Variants in ABCB10 observed in about 807,000 individuals in gnomAD.
The protein encoded by ABCB10 is ATP binding cassette subfamily B member 10.
Under a neutral mutation model 65.4 loss-of-function variants are expected in ABCB10, and 54 were observed. The ratio of observed to expected loss-of-function variants is 0.83; its 90% CI spans 0.66 to 1.04. ABCB10 has a LOEUF of 1.04. ABCB10 is among the 50% of genes least tolerant of loss of function. ABCB10 has a pLI of 0.00. For missense variants in ABCB10, 846 were observed against 976.6 expected (o/e 0.87, Z 1.78); for synonymous variants, 418 against 406.5 (o/e 1.03, Z -0.34).
chr1:229,538,258 C>T (rs1480896428), intron 6 of ABCB10, among the ~76,000 whole-genome samples: 3 of 152,160 alleles, frequency 2.0e-5, no homozygotes, highest in Non-Finnish European at 4.4e-5. Context: ...GAAATAACGT[C>T]TATCATGCCA....
At chr1:229,545,328 G>C (rs1051379603) in intron 3 of ABCB10, among the ~76,000 whole-genome samples, 1 of 152,314 alleles carries the variant, frequency 6.6e-6, no homozygotes, top group Admixed American at 6.5e-5. Flanking sequence ...CCGTAAGTCA[G>C]ATCTAATAGG....
chr1:229,539,759 C>A (rs954154034), intron 5 of ABCB10, among the ~76,000 whole-genome samples, 168 bp from the exon 6 acceptor site: 1 of 152,104 alleles, frequency 6.6e-6, no homozygotes, highest in South Asian at 2.1e-4. Context: ...TGTAATATTG[C>A]AATAATGAAG....
At chr1:229,518,730 GA>G (rs35311199) in intron 12 of ABCB10, 110 bp downstream of exon 12, 42 of 1,011,658 alleles carry the variant, frequency 4.2e-5, no homozygotes, top group Non-Finnish European at 5.6e-5. Context: ...GTAAAGGGGG[GA>G]AAAAGGATTT....
At position 229,530,306 on chromosome 1, in the gene ABCB10, A is replaced by G. The variant is rs1662552570; in HGVS notation, c.1538T>C (p.Phe513Ser). ...ARPEVPIFQD[F>S]SLSIPSGSVT... Reference sequence around the variant, plus strand: ...AGATCCTGACGGAATGGAAAGGCTGAAATCCTGAAATATGGGCACCTCTGG... The same window carrying G: ...AGATCCTGACGGAATGGAAAGGCTGGAATCCTGAAATATGGGCACCTCTGG... Residue 513 changes from phenylalanine (F) to serine (S), a missense_variant, in exon 8 of 13, where the codon TTC becomes TCC. Coordinates refer to ENST00000344517, the MANE Select transcript of ABCB10 (RefSeq NM_012089.3). 1 of 1,614,198 alleles carries G rather than the reference A, an allele frequency of 6.2e-7. No individual in the cohort carries two copies. Among genetic ancestry groups the G allele is most frequent in the Non-Finnish European group, 8.5e-7 (1 of 1,180,030 alleles).
rs1662382826 is a variant in ABCB10, at chr1:229,524,351, G to A, written c.1906+1585C>T. On this transcript the variant is annotated intron_variant, in intron 10 of 12. Coordinates refer to ENST00000344517, the MANE Select transcript of ABCB10 (RefSeq NM_012089.3). ...TATTGTTTTGTATTTTTGGTAGAGAGGGGGTCTCACCATGTTGCCCAGGCT... is the reference window on the plus strand; with the variant it reads ...TATTGTTTTGTATTTTTGGTAGAGAAGGGGTCTCACCATGTTGCCCAGGCT... Among the ~76,000 whole-genome samples, 3 of 151,886 alleles carry A rather than the reference G, an allele frequency of 2.0e-5. No individual in the cohort carries two copies. In the South Asian group the frequency reaches 6.2e-4, roughly 32 times the overall value.
In ABCB10 at chr1:229,549,367, G is replaced by C. The variant is rs1663050309; in HGVS notation, c.585C>G (p.Ile195Met). ...SMSAPFFLGKIIDVIYTNPTV... is the reference protein window; with the variant it reads ...SMSAPFFLGKMIDVIYTNPTV... Reference sequence around the variant, plus strand: ...TGGGGTTGGTATAGATGACATCAATGATCTTCCCCAGGAAGAAAGGGGCAG... The same window carrying C: ...TGGGGTTGGTATAGATGACATCAATCATCTTCCCCAGGAAGAAAGGGGCAG... The change falls in exon 2 of 13, where the codon ATC (isoleucine) becomes ATG (methionine). Residue 195 changes from isoleucine to methionine, a missense_variant. Ile to Met is a conservative substitution (Grantham distance 10, BLOSUM62 1). Around this residue, in one of 2 missense-constraint regions of ABCB10, gnomAD observed 632 missense variants for 803.2 expected, o/e 0.79. Coordinates refer to ENST00000344517, the MANE Select transcript of ABCB10 (RefSeq NM_012089.3). 5 of 1,614,100 alleles carry C rather than the reference G, an allele frequency of 3.1e-6. No individual in the cohort carries two copies. The highest frequency in any genetic ancestry group is 4.2e-6 in the Non-Finnish European group (5 of 1,180,028).
At chr1:229,539,857 AAAGT>A (rs1662803584) in intron 5 of ABCB10, among the ~76,000 whole-genome samples, 1 of 152,210 alleles carries the variant, frequency 6.6e-6, no homozygotes, top group Non-Finnish European at 1.5e-5. Context: ...GCAAAAGATA[AAAGT>A]AATATTAAAG....
Position 229,530,308 on chromosome 1 carries a change from ATCCT to A in ABCB10, c.1532_1535del (p.Gln511LeufsTer30), listed in dbSNP as rs751575879. 1.2e-6 allele frequency: 2 copies of A among 1,614,110 alleles called. No individual in the cohort carries two copies. Among genetic ancestry groups the A allele is most frequent in the African/African-American group, 2.7e-5 (2 of 74,942 alleles). ...ATCCTGACGGAATGGAAAGGCTGAA[ATCCT>A]GAAATATGGGCACCTCTGGGCGAGC... On this transcript the variant is annotated frameshift_variant, in exon 8 of 13. Transcript: ENST00000344517. LOFTEE classifies it high-confidence loss of function.
intron 3 of ABCB10, among the ~76,000 whole-genome samples, chr1:229,546,033 G>T (rs550714360): frequency 1.3e-5 from 2 of 152,218 alleles, no homozygotes; most frequent in East Asian, 3.9e-4. Context: ...TTAGCGAGGC[G>T]TGGTGGCTGG....
At position 229,558,667 on chromosome 1, in the gene ABCB10, C is replaced by T; in HGVS notation, c.-15G>A. On this transcript the variant is annotated 5_prime_UTR_variant, in exon 1 of 13. Coordinates refer to ENST00000344517, the MANE Select transcript of ABCB10 (RefSeq NM_012089.3). ...GGGCCTCGCATGGCGCTGCGTGCGA[C>T]CCGTACGCCTCAGCCCGCCGGCCAG... The T allele has an allele frequency of 7.7e-7, 1 of 1,304,960 alleles. No individual in the cohort carries two copies. Among genetic ancestry groups the T allele is most frequent in the Non-Finnish European group, 9.7e-7 (1 of 1,029,714 alleles). The allele number at this position is 1,304,960 out of a possible 1,614,324, so 80.8% of individuals were successfully genotyped here.
At chr1:229,531,919 C>A in intron 6 of ABCB10, 188 bp from the exon 7 acceptor site, 1 of 379,948 alleles carries the variant, frequency 2.6e-6, no homozygotes, top group African/African-American at 2.2e-5. Flanking sequence ...TCTAGTTTTC[C>A]TTTGGCTTCT....
intron 6 of ABCB10, chr1:229,535,114 G>A (rs563056195): frequency 7.0e-6 from 1 of 143,612 alleles, no homozygotes; most frequent in South Asian, 2.2e-4. Flanking sequence ...GAAGGGTATC[G>A]AGAAAAGTTT....
At chr1:229,550,817 T>G (rs1663090515) in intron 1 of ABCB10, among the ~76,000 whole-genome samples, 1 of 151,776 alleles carries the variant, frequency 6.6e-6, no homozygotes, top group African/African-American at 2.4e-5. Context: ...TGAGCCAAGA[T>G]TGTGCTGCTA....
chr1:229,548,292 C>G (rs1444396555), intron 2 of ABCB10, among the ~76,000 whole-genome samples: 1 of 152,142 alleles, frequency 6.6e-6, no homozygotes, highest in African/African-American at 2.4e-5. Context: ...GCATGAGCCA[C>G]CACACTTGGC....
At chr1:229,539,619 A>C in intron 5 of ABCB10, 28 bp from the exon 6 acceptor site, 1 of 1,604,132 alleles carries the variant, frequency 6.2e-7, no homozygotes, top group Non-Finnish European at 8.5e-7. Flanking sequence ...CACAGAAGTC[A>C]GGTGGGAATC....
chr1:229,538,885 A>C (rs1662778866), intron 6 of ABCB10, among the ~76,000 whole-genome samples: 2 of 152,226 alleles, frequency 1.3e-5, no homozygotes, highest in Non-Finnish European at 2.9e-5. Flanking sequence ...TCCCAAGTTG[A>C]CTGGGGATGC....
chr1:229,556,123 C>A (rs1663243020), intron 1 of ABCB10, among the ~76,000 whole-genome samples: 1 of 152,134 alleles, frequency 6.6e-6, no homozygotes, highest in South Asian at 2.1e-4. Flanking sequence ...ACCTGTAATC[C>A]CAGCACCTTT....
chr1:229,542,659 C>T (rs943742308), intron 3 of ABCB10, among the ~76,000 whole-genome samples: 3 of 150,402 alleles, frequency 2.0e-5, no homozygotes, highest in African/African-American at 7.4e-5. Context: ...TAGATCAGAC[C>T]ACGCGGTTTA....
chr1:229,520,188 G>A (rs1454604015), intron 11 of ABCB10, among the ~76,000 whole-genome samples: 14 of 151,426 alleles, frequency 9.2e-5, no homozygotes, highest in Non-Finnish European at 1.9e-4. Flanking sequence ...AACTTTCAAG[G>A]TCCTGCTTAT....
Sources: gnomAD v4.1 joint callset for allele counts (sites outside exome capture counted in the v4.1 genomes callset) on GRCh38, gnomAD v4.1.1 for gene constraint, gnomAD v4.1.1 regional missense constraint, MANE v1.5 for transcripts, NCBI Gene and HGNC (gene_info 2026-07-23, HGNC 2026-07-21) for gene names.